The following RIPK1 variants were observed in gnomAD, a reference collection of about 807,000 sequenced individuals.
RIPK1 encodes receptor-interacting serine/threonine-protein kinase 1.
Under a neutral mutation model 62.4 loss-of-function variants are expected in RIPK1, and 27 were observed. That is an observed-to-expected ratio of 0.43 (90% confidence interval 0.32 to 0.60). The LOEUF is 0.60. Ranked by LOEUF, RIPK1 falls within the 20% of genes least tolerant of loss-of-function variation. The pLI is 0.07. For missense variants in RIPK1, 735 were observed against 831.0 expected, an observed-to-expected ratio of 0.88 and a Z score of 1.42; for synonymous variants, 287 against 303.2, an observed-to-expected ratio of 0.95 and a Z score of 0.55.
rs781471648 is a variant in RIPK1 at position 3,105,562 on chromosome 6, C to G, written c.1087C>G (p.Leu363Val). 28 of 1,612,564 alleles carry G rather than the reference C, an allele frequency of 1.7e-5. No individual in the cohort carries two copies. Among genetic ancestry groups the G allele is most frequent in the South Asian group, 2.2e-5 (2 of 90,928 alleles). Residue 363 changes from leucine to valine, a missense_variant, in exon 9 of 11, where the codon CTG (leucine) becomes GTG (valine). Leu to Val is a conservative substitution (Grantham distance 32). Around this residue, in one of 2 missense-constraint regions of RIPK1, gnomAD observed 671 missense variants for 726.2 expected, o/e 0.92. Transcript: ENST00000259808. The surrounding 1 kb of genome is among the most constrained non-coding windows in gnomAD (Gnocchi z 4.5). ...GGAGGAGTCCTGGTTTGCTCCTTCC[C>G]TGGAGCACCCACAAGAAGAGAATGA... ...PVEESWFAPS[L>V]EHPQEENEPS...
At chr6:3,089,691 A>G (rs1293146098) in intron 7 of RIPK1, 34 bp downstream of exon 7, 1 of 1,074,068 alleles carries the variant, frequency 9.3e-7, no homozygotes, top group South Asian at 1.4e-5. Context: ...AAATATTAAC[A>G]TAGCAAAATA....
chr6:3,102,835 C>T (rs769965210), intron 7 of RIPK1, among the ~76,000 whole-genome samples: 1 of 152,136 alleles, frequency 6.6e-6, no homozygotes, highest in Non-Finnish European at 1.5e-5. Context: ...AAACTCCTAA[C>T]CTCAGGTGAT....
chr6:3,105,937 G>A lies in RIPK1; in HGVS notation c.1462G>A (p.Val488Ile). The A allele has an allele frequency of 6.2e-7, 1 of 1,614,104 alleles. No individual in the cohort carries two copies. Among genetic ancestry groups the A allele is most frequent in the Non-Finnish European group, 8.5e-7 (1 of 1,179,984 alleles). ...PLDPGTAGPR[V>I]WYRPIPSHMP... Reference sequence around the variant, plus strand: ...GGATCCAGGAACAGCAGGTCCCAGAGTTTGGTACAGGCCAATTCCAAGTCA... The same window carrying A: ...GGATCCAGGAACAGCAGGTCCCAGAATTTGGTACAGGCCAATTCCAAGTCA... Residue 488 changes from valine to isoleucine, a missense_variant, in exon 9 of 11, where the codon GTT (valine) becomes ATT (isoleucine). By Grantham distance (29) the Val-to-Ile change is conservative. Around this residue, in one of 2 missense-constraint regions of RIPK1, gnomAD observed 671 missense variants for 726.2 expected, o/e 0.92. Transcript: ENST00000259808. The surrounding 1 kb of genome is among the most constrained non-coding windows in gnomAD (Gnocchi z 4.5).
intron 7 of RIPK1, among the ~76,000 whole-genome samples, chr6:3,097,435 C>G (rs1406877292): frequency 6.6e-6 from 1 of 152,156 alleles, no homozygotes; most frequent in African/African-American, 2.4e-5. Flanking sequence ...ACCCATAGAT[C>G]TACACATACC....
intron 1 of RIPK1, among the ~76,000 whole-genome samples, chr6:3,070,210 A>C (rs1173718131): frequency 2.6e-5 from 4 of 152,212 alleles, no homozygotes; most frequent in Non-Finnish European, 5.9e-5. Flanking sequence ...TGGAATGTGA[A>C]TATTAATGAG....
At chr6:3,104,730 G>A (rs973348764) in intron 8 of RIPK1, among the ~76,000 whole-genome samples, 1 of 152,150 alleles carries the variant, frequency 6.6e-6, no homozygotes. Context: ...AAGCCGCTTA[G>A]CTACCTGATC....
Position 3,085,277 on chromosome 6 carries a change from A to G in RIPK1, c.707A>G (p.Gln236Arg). 1 of 1,614,242 alleles carries G rather than the reference A, an allele frequency of 6.2e-7. No individual in the cohort carries two copies. The highest frequency in any genetic ancestry group is 8.5e-7 in the Non-Finnish European group (1 of 1,180,032). ...EPYENAICEQQLIMCIKSGNR... is the reference protein window; with the variant it reads ...EPYENAICEQRLIMCIKSGNR... ...TTTGTAGATGCTATCTGTGAGCAGC[A>G]GTTGATAATGTGCATAAAATCTGGG... The change falls in exon 6 of 11, where the codon CAG becomes CGG. Residue 236 changes from glutamine to arginine, a missense_variant. Coordinates refer to ENST00000259808, the MANE Select transcript of RIPK1 (RefSeq NM_001354930.2).
intron 1 of RIPK1, among the ~76,000 whole-genome samples, chr6:3,075,839 CTT>C (rs10602513): frequency 0.83 from 122,800 of 147,250 alleles, 51,789 homozygotes; most frequent in Non-Finnish European, 0.91. Flanking sequence ...TTTGCACAAA[CTT>C]TTTTTTTTTT....
At chr6:3,076,697 A>AT (rs34178276) in intron 1 of RIPK1, 67 bp from the exon 2 acceptor site, 51 of 238,744 alleles carry the variant, frequency 2.1e-4, no homozygotes, top group Non-Finnish European at 2.8e-4. Flanking sequence ...GAAAAAAAAA[A>AT]ACATATATAT....
chr6:3,109,196 C>T (rs534383269), intron 9 of RIPK1, among the ~76,000 whole-genome samples: 118 of 152,208 alleles, frequency 7.8e-4, no homozygotes, highest in African/African-American at 2.5e-3. Flanking sequence ...TCAAACAGAC[C>T]CAGCTCAGAT....
intron 7 of RIPK1, among the ~76,000 whole-genome samples, chr6:3,098,775 A>C (rs1407166616): frequency 6.6e-6 from 1 of 152,206 alleles, no homozygotes; most frequent in African/African-American, 2.4e-5. Context: ...ACTGAGTTGG[A>C]GATTGGGGTG....
intron 9 of RIPK1, among the ~76,000 whole-genome samples, chr6:3,108,007 C>G (rs1247359224): frequency 6.6e-6 from 1 of 151,536 alleles, no homozygotes; most frequent in African/African-American, 2.4e-5. Flanking sequence ...TTAAATAAGT[C>G]TTCTGCTTGC....
At chr6:3,099,211 G>A (rs1260110456) in intron 7 of RIPK1, among the ~76,000 whole-genome samples, 1 of 152,158 alleles carries the variant, frequency 6.6e-6, no homozygotes, top group Admixed American at 6.6e-5. Flanking sequence ...TTTAGCAAAG[G>A]ATTAATATCC....
intron 5 of RIPK1, among the ~76,000 whole-genome samples, chr6:3,083,571 C>G (rs1170340883): frequency 1.3e-5 from 2 of 152,190 alleles, no homozygotes; most frequent in African/African-American, 2.4e-5. Flanking sequence ...AAGGCATACA[C>G]TTCATACTTT....
intron 7 of RIPK1, among the ~76,000 whole-genome samples, chr6:3,096,516 T>C (rs1760304268): frequency 6.6e-6 from 1 of 150,960 alleles, no homozygotes. Context: ...CAAATTGATC[T>C]ATAGAATCAA....
At chr6:3,090,721 G>T (rs558196047) in intron 7 of RIPK1, among the ~76,000 whole-genome samples, 1 of 152,096 alleles carries the variant, frequency 6.6e-6, no homozygotes, top group South Asian at 2.1e-4. Flanking sequence ...CACACTTGAC[G>T]TAACGGAAAC....
At chr6:3,090,039 G>A (rs1245268183) in intron 7 of RIPK1, among the ~76,000 whole-genome samples, 1 of 152,232 alleles carries the variant, frequency 6.6e-6, no homozygotes, top group African/African-American at 2.4e-5. Flanking sequence ...TGAGGAAGAA[G>A]TACCGGAGGG....
intron 2 of RIPK1, 34 bp downstream of exon 2, chr6:3,077,021 C>T: frequency 6.4e-7 from 1 of 1,564,004 alleles, no homozygotes; most frequent in African/African-American, 1.4e-5. Context: ...GGGCTAAGTT[C>T]TGAGCGGGAT....
At position 3,077,937 on chromosome 6, in the gene RIPK1, T is replaced by TA. The variant is rs1209233144; in HGVS notation, c.321+3dup. 4 of 1,613,524 alleles carry TA rather than the reference T, an allele frequency of 2.5e-6. No homozygotes were observed. The highest frequency in any genetic ancestry group is 3.4e-6 in the Non-Finnish European group (4 of 1,179,940). ...CTGATGCACGTGCTGAAAGCCGAGGTAGAGAGGGCCCCTCCGCACGGGGAT... is the reference window on the plus strand; with the variant it reads ...CTGATGCACGTGCTGAAAGCCGAGGTAAGAGAGGGCCCCTCCGCACGGGGAT... On this transcript the variant is annotated splice_region_variant and intron_variant, in intron 3 of 10. Coordinates refer to ENST00000259808, the MANE Select transcript of RIPK1 (RefSeq NM_001354930.2).
Sources: allele counts gnomAD v4.1 joint callset (sites outside exome capture counted in the v4.1 genomes callset), GRCh38; gene constraint gnomAD v4.1.1; regional missense constraint gnomAD v4.1.1; non-coding constraint Gnocchi (gnomAD v3.1); transcripts MANE v1.5; gene names NCBI Gene and HGNC (gene_info 2026-07-23, HGNC 2026-07-21).